DSE: variants seen among roughly 807,000 people sequenced by gnomAD.
DSE encodes the protein dermatan sulfate epimerase, also known as dermatan-sulfate epimerase.
DSE carries 36 observed loss-of-function variants against 84.4 expected under a neutral mutation model. That is an observed-to-expected ratio of 0.43 (90% CI 0.33 to 0.56). The LOEUF (loss-of-function observed/expected upper bound fraction) is 0.56, where lower values mean the gene tolerates loss of function less well. Ranked by LOEUF, DSE falls within the 20% of genes least tolerant of loss-of-function variation. The pLI, the probability that DSE is intolerant of heterozygous loss-of-function variation, is 0.06. For missense variants in DSE, 862 were observed against 1,169.6 expected, an observed-to-expected ratio of 0.74 and a Z score of 3.84; for synonymous variants, 410 against 430.1, an observed-to-expected ratio of 0.95 and a Z score of 0.58.
At chr6:116,335,736 A>C (rs1004103837) in intron 2 of DSE, among the ~76,000 whole-genome samples, 4 of 152,216 alleles carry the variant, frequency 2.6e-5, no homozygotes, top group African/African-American at 9.6e-5. Flanking sequence ...CAGAACGATA[A>C]ATAAAAGTGC....
In DSE at chr6:116,437,173, G is replaced by A. The variant is rs765776789; in HGVS notation, c.2705G>A (p.Arg902Lys). 2 of 1,614,164 alleles carry A rather than the reference G, an allele frequency of 1.2e-6. No individual in the cohort carries two copies. Among genetic ancestry groups the A allele is most frequent in the South Asian group, 1.1e-5 (1 of 91,084 alleles). Reference protein sequence around the residue: ...RAPSLSASYTRLFLILNIAIF... With the variant: ...RAPSLSASYTKLFLILNIAIF... ...CCATCACTGTCTGCTTCCTATACCA[G>A]GTTGTTCCTGATTCTGAACATTGCT... is the stretch of plus-strand genomic sequence containing the variant. The change falls in exon 6 of 6, where the codon AGG becomes AAG. Residue 902 changes from arginine to lysine, a missense_variant. By Grantham distance (26) the Arg-to-Lys change is conservative. This residue lies in a region of DSE where 315 missense variants were observed against 348.1 expected (regional missense o/e 0.90). Transcript: ENST00000644252.
In DSE at chr6:116,444,374, C is replaced by T. The variant is rs1417982463; in HGVS notation, c.*7029C>T. The T allele has an allele frequency of 6.6e-6, 1 of 152,172 alleles. No homozygotes were observed. The highest frequency in any genetic ancestry group is 1.9e-4 in the East Asian group (1 of 5,194). The allele number at this position is 152,172 out of a possible 1,614,324, so 9.4% of individuals were successfully genotyped here. On this transcript the variant is annotated 3_prime_UTR_variant, in exon 6 of 6. Coordinates refer to ENST00000644252, the MANE Select transcript of DSE (RefSeq NM_013352.4). ...TTGTGTCTCTTGCTCGTTGTATATA[C>T]ATGGTTCTTACACAGTGCCTGGCAT...
upstream of DSE, chr6:116,366,873 G>C (rs1779193979): frequency 6.6e-6 from 1 of 152,166 alleles, no homozygotes; most frequent in African/African-American, 2.4e-5. Context: ...GGACGTGCCT[G>C]GTACATTTCA....
chr6:116,342,225 TGTA>T (rs1451644844), intron 2 of DSE, among the ~76,000 whole-genome samples: 1 of 152,022 alleles, frequency 6.6e-6, no homozygotes, highest in Non-Finnish European at 1.5e-5. Context: ...GATAATATAT[TGTA>T]GTAAGTTTGG....
intron 2 of DSE, among the ~76,000 whole-genome samples, chr6:116,407,334 T>A (rs1013041288): frequency 2.6e-5 from 4 of 152,196 alleles, no homozygotes; most frequent in African/African-American, 9.7e-5. Context: ...GAGAGTGGTT[T>A]GTGGGAGAGA....
chr6:116,424,389 A>C (rs1209174403), intron 2 of DSE, among the ~76,000 whole-genome samples: 1 of 152,222 alleles, frequency 6.6e-6, no homozygotes, highest in Non-Finnish European at 1.5e-5. Context: ...GAAACTCATC[A>C]ATCTTTTTAG....
intron 5 of DSE, among the ~76,000 whole-genome samples, chr6:116,434,042 G>A (rs2115089040): frequency 6.6e-6 from 1 of 152,264 alleles, no homozygotes; most frequent in Middle Eastern, 3.4e-3. Context: ...GGTAAATGGA[G>A]CATTATAATC....
At chr6:116,423,294 C>G (rs1161950375) in intron 2 of DSE, 1 of 152,094 alleles carries the variant, frequency 6.6e-6, no homozygotes, top group East Asian at 1.9e-4. Context: ...AAATTGCTGT[C>G]ATGATATAGT....
At chr6:116,431,491 G>A (rs909569270) in intron 4 of DSE, among the ~76,000 whole-genome samples, 1 of 151,804 alleles carries the variant, frequency 6.6e-6, no homozygotes, top group Non-Finnish European at 1.5e-5. Context: ...AGTAATATAC[G>A]AACTCATCTT....
intron 2 of DSE, among the ~76,000 whole-genome samples, chr6:116,270,885 T>C (rs981614822): frequency 1.4e-4 from 22 of 152,172 alleles, no homozygotes; most frequent in Non-Finnish European, 8.8e-5. Context: ...TCTTGGATAA[T>C]ACACTTCTCT....
intron 2 of DSE, among the ~76,000 whole-genome samples, chr6:116,415,675 C>T (rs989790843): frequency 1.2e-4 from 17 of 144,130 alleles, no homozygotes; most frequent in African/African-American, 4.1e-4. Context: ...TTCAACTTTT[C>T]TCCCCAGCCC....
chr6:116,267,282 CAG>C (rs1294138722), intron 2 of DSE, among the ~76,000 whole-genome samples: 2 of 152,144 alleles, frequency 1.3e-5, no homozygotes, highest in African/African-American at 4.8e-5. Flanking sequence ...ATTTTTATCA[CAG>C]AAGATGACAA....
At chr6:116,357,397 T>C (rs1778641655) in intron 2 of DSE, among the ~76,000 whole-genome samples, 1 of 151,964 alleles carries the variant, frequency 6.6e-6, no homozygotes, top group South Asian at 2.1e-4. Context: ...CCGGGCATGG[T>C]AGTGGGCACC....
intron 2 of DSE, among the ~76,000 whole-genome samples, chr6:116,414,516 G>A (rs1355877018): frequency 5.3e-5 from 8 of 152,018 alleles, no homozygotes; most frequent in African/African-American, 7.3e-5. Context: ...GGGTTCAAGC[G>A]ATTCTCCTGC....
chr6:116,378,073 A>G (rs1221743207), intron 1 of DSE, among the ~76,000 whole-genome samples: 1 of 152,170 alleles, frequency 6.6e-6, no homozygotes. Flanking sequence ...CAAGGAGGGT[A>G]GGGACCTGTC....
chr6:116,274,490 G>A (rs1050926991), intron 2 of DSE, among the ~76,000 whole-genome samples: 2 of 151,962 alleles, frequency 1.3e-5, no homozygotes, highest in African/African-American at 4.8e-5. Flanking sequence ...TTGAACCCAG[G>A]AGGCAGAGGT....
intron 1 of DSE, among the ~76,000 whole-genome samples, chr6:116,375,967 A>T (rs11754507): frequency 3.9e-5 from 6 of 152,208 alleles, no homozygotes; most frequent in African/African-American, 1.4e-4. Context: ...TATACCTTAA[A>T]TAGAAGATTA....
At chr6:116,340,447 A>G (rs937596349) in intron 2 of DSE, among the ~76,000 whole-genome samples, 6 of 151,910 alleles carry the variant, frequency 3.9e-5, no homozygotes, top group East Asian at 1.9e-4. Flanking sequence ...TCTAATTTCT[A>G]TCACCTGAGA....
chr6:116,316,705 G>A (rs1250725344), intron 2 of DSE, among the ~76,000 whole-genome samples: 1 of 152,036 alleles, frequency 6.6e-6, no homozygotes, highest in East Asian at 1.9e-4. Context: ...TGGTTGTGCT[G>A]TAGATGACTT....
Sources: gnomAD v4.1 joint callset for allele counts (sites outside exome capture counted in the v4.1 genomes callset) on GRCh38, gnomAD v4.1.1 for gene constraint, gnomAD v4.1.1 regional missense constraint, MANE v1.5 for transcripts, NCBI Gene and HGNC (gene_info 2026-07-23, HGNC 2026-07-21) for gene names.